The following HDAC9 variants were observed in gnomAD, a reference collection of about 807,000 sequenced individuals.
HDAC9 encodes histone deacetylase 9, also known as MEF-2 interacting transcription repressor (MITR) protein.
A neutral mutation model predicts 139.4 loss-of-function variants in HDAC9; 41 were observed. The ratio of observed to expected loss-of-function variants is 0.29; its 90% CI spans 0.23 to 0.38. The LOEUF is 0.38. Ranked by LOEUF, HDAC9 falls within the 10% of genes least tolerant of loss-of-function variation. HDAC9 has a pLI of 1.00. For missense variants in HDAC9, 1,147 were observed against 1,297.0 expected (o/e 0.88, Z 1.78); for synonymous variants, 517 against 476.2 (o/e 1.09, Z -1.12).
intron 1 of HDAC9, among the ~76,000 whole-genome samples, chr7:18,331,715 A>G (rs1315021066): frequency 2.0e-5 from 3 of 151,670 alleles, no homozygotes; most frequent in African/African-American, 7.3e-5. Context: ...TATACTACCT[A>G]CCTTATTCGA....
chr7:18,737,551 G>C (rs538628072), intron 13 of HDAC9, among the ~76,000 whole-genome samples: 1 of 151,104 alleles, frequency 6.6e-6, no homozygotes, highest in East Asian at 1.9e-4. Flanking sequence ...GTTTTGATTA[G>C]AATATAGTTT....
chr7:18,701,483 G>A (rs1783485385), intron 12 of HDAC9, among the ~76,000 whole-genome samples: 1 of 150,640 alleles, frequency 6.6e-6, no homozygotes. Flanking sequence ...CAACTGGTTA[G>A]TCTTAACATG....
chr7:18,285,530 T>C (rs1199855274), upstream of HDAC9, among the ~76,000 whole-genome samples: 1 of 152,090 alleles, frequency 6.6e-6, no homozygotes, highest in Non-Finnish European at 1.5e-5. Flanking sequence ...TTTAAAAGAT[T>C]CTTGATATAG....
chr7:18,262,472 C>T (rs80347421), intron 2 of HDAC9, among the ~76,000 whole-genome samples: 7,471 of 152,166 alleles, frequency 0.049, 229 homozygotes, highest in Non-Finnish European at 0.074. Flanking sequence ...ACCTGTTCTA[C>T]AAGAAATACC....
chr7:18,642,333 T>G (rs975637550), intron 8 of HDAC9, among the ~76,000 whole-genome samples: 2 of 152,098 alleles, frequency 1.3e-5, no homozygotes, highest in African/African-American at 4.8e-5. Flanking sequence ...TTGCTTCCTC[T>G]TCTCCTCCAA....
intron 11 of HDAC9, among the ~76,000 whole-genome samples, chr7:18,663,689 A>G (rs1206299187): frequency 6.6e-6 from 1 of 152,116 alleles, no homozygotes; most frequent in East Asian, 1.9e-4. Flanking sequence ...GGTTCCCAGT[A>G]ACTTTTCAGC....
At chr7:18,869,147 GGTGT>G (rs58034239) in intron 21 of HDAC9, among the ~76,000 whole-genome samples, 4,153 of 138,084 alleles carry the variant, frequency 0.03, 83 homozygotes, top group African/African-American at 0.063. Flanking sequence ...TCACAATTGG[GGTGT>G]GTGTGTGTGT....
At chr7:18,875,306 C>G (rs1799238234) in intron 22 of HDAC9, among the ~76,000 whole-genome samples, 1 of 151,962 alleles carries the variant, frequency 6.6e-6, no homozygotes, top group African/African-American at 2.4e-5. Context: ...TACATTGGCA[C>G]CAGGGGTATC....
intron 17 of HDAC9, among the ~76,000 whole-genome samples, chr7:18,811,318 A>T (rs1423323167): frequency 6.6e-6 from 1 of 151,606 alleles, no homozygotes; most frequent in African/African-American, 2.4e-5. Context: ...TCTAGTTTTC[A>T]AAGTGGAAGC....
intron 25 of HDAC9, among the ~76,000 whole-genome samples, chr7:18,989,786 C>T (rs562404791): frequency 5.7e-5 from 5 of 87,054 alleles, no homozygotes; most frequent in East Asian, 3.0e-4. Flanking sequence ...CTTCCCTTCT[C>T]GCTTCATTTC....
intron 19 of HDAC9, among the ~76,000 whole-genome samples, chr7:18,834,259 A>G (rs1485743418): frequency 6.6e-6 from 1 of 152,210 alleles, no homozygotes; most frequent in Non-Finnish European, 1.5e-5. Context: ...AGAACCGGAA[A>G]CTATGTATGT....
intron 11 of HDAC9, among the ~76,000 whole-genome samples, chr7:18,649,447 A>T (rs1027649025): frequency 6.6e-6 from 1 of 152,138 alleles, no homozygotes; most frequent in Non-Finnish European, 1.5e-5. Context: ...ATTCCTGGAA[A>T]ATATTAAGGT....
chr7:18,481,851 A>G (rs1795576456), intron 1 of HDAC9, among the ~76,000 whole-genome samples: 1 of 152,132 alleles, frequency 6.6e-6, no homozygotes, highest in African/African-American at 2.4e-5. Context: ...CTTGAGGTTC[A>G]GTTCTGGATG....
intron 22 of HDAC9, among the ~76,000 whole-genome samples, chr7:18,893,323 C>T (rs1044345031): frequency 1.3e-5 from 2 of 152,072 alleles, no homozygotes; most frequent in Non-Finnish European, 2.9e-5. Flanking sequence ...ACATAACCTT[C>T]GCTCTCCTTA....
intron 2 of HDAC9, among the ~76,000 whole-genome samples, chr7:18,170,266 A>T (rs1261338013): frequency 6.6e-6 from 1 of 152,140 alleles, no homozygotes; most frequent in Non-Finnish European, 1.5e-5. Context: ...TTCTTTTGAG[A>T]AGTGTCTGTT....
chr7:18,251,655 AT>A (rs531562544), intron 2 of HDAC9, among the ~76,000 whole-genome samples: 1 of 152,158 alleles, frequency 6.6e-6, no homozygotes, highest in Non-Finnish European at 1.5e-5. Flanking sequence ...GAGCTTTTGA[AT>A]TTTTTCTGGT....
At chr7:18,541,141 GTTTTTTT>G (rs10678670) in intron 2 of HDAC9, among the ~76,000 whole-genome samples, 1 of 65,464 alleles carries the variant, frequency 1.5e-5, no homozygotes, top group African/African-American at 6.8e-5. Context: ...AAGGAACCGT[GTTTTTTT>G]TTTTTTTTTT....
chr7:18,607,093 G>A (rs148894485), intron 6 of HDAC9, among the ~76,000 whole-genome samples: 1 of 152,164 alleles, frequency 6.6e-6, no homozygotes, highest in Non-Finnish European at 1.5e-5. Flanking sequence ...AAAAAGTTAA[G>A]TATGTTAGTT....
intron 12 of HDAC9, among the ~76,000 whole-genome samples, chr7:18,675,998 G>A (rs1781480246): frequency 1.3e-5 from 2 of 151,934 alleles, no homozygotes; most frequent in Admixed American, 1.3e-4. Flanking sequence ...CATGATCATT[G>A]TTCCGAAGGA....
Sources: allele counts gnomAD v4.1 joint callset (sites outside exome capture counted in the v4.1 genomes callset), GRCh38; gene constraint gnomAD v4.1.1; transcripts MANE v1.5; gene names NCBI Gene and HGNC (gene_info 2026-07-23, HGNC 2026-07-21).